UNC13C: variants seen among roughly 807,000 people sequenced by gnomAD.
UNC13C encodes the protein unc-13 homolog C, also known as protein unc-13 homolog C.
A neutral mutation model predicts 245.4 loss-of-function variants in UNC13C; 174 were observed. That is an observed-to-expected ratio of 0.71 (90% CI 0.63 to 0.80). The LOEUF is 0.80. Ranked by LOEUF, UNC13C falls within the 30% of genes least tolerant of loss-of-function variation. UNC13C has a pLI of 0.00. For synonymous variants in UNC13C, 992 were observed against 895.1 expected (o/e 1.11, Z -1.93); for missense variants, 2,829 against 2,602.9 (o/e 1.09, Z -1.89).
chr15:53,971,350 G>T, the UNC13C span, among the ~76,000 whole-genome samples: 1 of 152,050 alleles, frequency 6.6e-6, no homozygotes, highest in Non-Finnish European at 1.5e-5. Flanking sequence ...AAAACCCCTA[G>T]AAGAAAACAT....
At chr15:53,947,187 G>T in the UNC13C span, among the ~76,000 whole-genome samples, 2 of 152,220 alleles carry the variant, frequency 1.3e-5, no homozygotes, top group East Asian at 3.9e-4. Context: ...GTTCTGATGA[G>T]TTCCAAAATT....
chr15:53,916,574 G>C, the UNC13C span, among the ~76,000 whole-genome samples: 65 of 152,300 alleles, frequency 4.3e-4, no homozygotes, highest in African/African-American at 1.5e-3. Context: ...AAGTAGAGCT[G>C]CTTGCATCGT....
At chr15:54,040,934 G>A (rs1350202652) in intron 2 of UNC13C, among the ~76,000 whole-genome samples, 1 of 152,196 alleles carries the variant, frequency 6.6e-6, no homozygotes, top group Non-Finnish European at 1.5e-5. Flanking sequence ...CAACCTGCAT[G>A]CACCAACCCA....
At chr15:54,226,902 T>C (rs1034172249) in intron 4 of UNC13C, among the ~76,000 whole-genome samples, 5 of 151,994 alleles carry the variant, frequency 3.3e-5, no homozygotes, top group Admixed American at 1.3e-4. Context: ...GCTCAGGGAG[T>C]CCCCAGGTCT....
At chr15:54,011,318 A>G (rs1895372901) in intron 1 of UNC13C, among the ~76,000 whole-genome samples, 1 of 152,208 alleles carries the variant, frequency 6.6e-6, no homozygotes, top group South Asian at 2.1e-4. Context: ...GCTTTGAACC[A>G]GTAATGCCAG....
intron 24 of UNC13C, among the ~76,000 whole-genome samples, chr15:54,514,459 C>A (rs1017906783): frequency 5.9e-5 from 9 of 152,154 alleles, no homozygotes; most frequent in African/African-American, 2.2e-4. Flanking sequence ...TTATCTTATC[C>A]CCCACCATCT....
chr15:54,622,808 G>T (rs531252179), intron 31 of UNC13C, among the ~76,000 whole-genome samples: 1 of 152,124 alleles, frequency 6.6e-6, no homozygotes, highest in East Asian at 1.9e-4. Context: ...ACAATGAGTG[G>T]CTCAATTTGT....
At chr15:54,331,955 T>A in intron 14 of UNC13C, 88 bp from the exon 15 acceptor site, 1 of 814,608 alleles carries the variant, frequency 1.2e-6, no homozygotes, top group Non-Finnish European at 1.8e-6. Context: ...TTCCTTTCTA[T>A]AAAATAGAGA....
At chr15:54,137,326 G>C (rs779265070) in intron 2 of UNC13C, among the ~76,000 whole-genome samples, 3 of 152,122 alleles carry the variant, frequency 2.0e-5, no homozygotes, top group Non-Finnish European at 4.4e-5. Context: ...TAGAATCCTT[G>C]TCTGGCTTTG....
At chr15:54,193,795 A>G (rs1473320369) in intron 4 of UNC13C, among the ~76,000 whole-genome samples, 1 of 152,170 alleles carries the variant, frequency 6.6e-6, no homozygotes, top group Non-Finnish European at 1.5e-5. Flanking sequence ...CCTGCATAGC[A>G]CTGATTGCCA....
At chr15:54,196,921 CTATTA>C (rs2034371782) in intron 4 of UNC13C, among the ~76,000 whole-genome samples, 1 of 152,072 alleles carries the variant, frequency 6.6e-6, no homozygotes, top group Non-Finnish European at 1.5e-5. Context: ...GAAAATGTAT[CTATTA>C]TATCATCACC....
At chr15:54,477,741 G>A (rs1042011928) in intron 19 of UNC13C, among the ~76,000 whole-genome samples, 1 of 146,346 alleles carries the variant, frequency 6.8e-6, no homozygotes, top group African/African-American at 2.5e-5. Context: ...TTGCATCAAT[G>A]TTCATCAAGG....
At chr15:54,528,404 G>A (rs181177783) in intron 25 of UNC13C, among the ~76,000 whole-genome samples, 33 of 150,806 alleles carry the variant, frequency 2.2e-4, no homozygotes, top group African/African-American at 6.8e-4. Context: ...GGAATATTTC[G>A]TAGGCATTAT....
In UNC13C at chr15:54,500,658, G is replaced by A. The variant is rs149433474; in HGVS notation, c.5158-177G>A. 9.2e-5 allele frequency among the ~76,000 whole-genome samples: 14 copies of A among 152,248 alleles called. No homozygotes were observed. The East Asian group carries it at 2.7e-3, about 29-fold the overall frequency. On this transcript the variant is annotated intron_variant, in intron 21 of 32. Transcript: ENST00000260323. ...AGCAGTAGCTTGCCCCATGATATTA[G>A]TTCCACCACACTTTCAAGAAAAGGA...
chr15:54,626,922 A>ACAGT lies in UNC13C; in HGVS notation c.6457_6460dup (p.Ile2154SerfsTer27), dbSNP rs769055832. 3.1e-6 allele frequency: 5 copies of ACAGT among 1,613,496 alleles called. No homozygotes were observed. Among genetic ancestry groups the ACAGT allele is most frequent in the East Asian group, 2.2e-5 (1 of 44,852 alleles). On this transcript the variant is annotated frameshift_variant, in exon 33 of 33. Coordinates refer to ENST00000260323, the MANE Select transcript of UNC13C (RefSeq NM_001080534.3). LOFTEE classifies it high-confidence loss of function. ...CAGAGAAGATCGAATTATCGGAATG[A>ACAGT]CAGTCATTCAGCTACAGAACATAGC...
the UNC13C span, among the ~76,000 whole-genome samples, chr15:53,854,404 C>T: frequency 6.6e-6 from 1 of 152,074 alleles, no homozygotes; most frequent in Non-Finnish European, 1.5e-5. Flanking sequence ...CAGGTGTGAG[C>T]CACCATGCCT....
intron 30 of UNC13C, among the ~76,000 whole-genome samples, chr15:54,596,340 G>A (rs116479537): frequency 0.014 from 2,155 of 152,190 alleles, 51 homozygotes; most frequent in African/African-American, 0.049. Flanking sequence ...CTAATTTCCC[G>A]CAAGGAAGGT....
At chr15:54,533,194 C>A in intron 26 of UNC13C, 128 bp downstream of exon 26, 3 of 638,288 alleles carry the variant, frequency 4.7e-6, no homozygotes, top group South Asian at 2.5e-5. Flanking sequence ...TAAATGAATT[C>A]AAAGATAAAT....
At chr15:54,507,886 T>G (rs1054685021) in intron 23 of UNC13C, among the ~76,000 whole-genome samples, 10 of 147,468 alleles carry the variant, frequency 6.8e-5, no homozygotes, top group South Asian at 2.1e-4. Flanking sequence ...GAGTATAGGG[T>G]TTTTTTTTAA....
Sources: allele counts gnomAD v4.1 joint callset (sites outside exome capture counted in the v4.1 genomes callset), GRCh38; gene constraint gnomAD v4.1.1; transcripts MANE v1.5; gene names NCBI Gene and HGNC (gene_info 2026-07-23, HGNC 2026-07-21).